Variants in APOB observed in about 807,000 individuals in gnomAD.
APOB encodes apolipoprotein B.
APOB carries 153 observed loss-of-function variants against 314.1 expected under a neutral mutation model. The observed-to-expected ratio is 0.49, with a 90% confidence interval of 0.43 to 0.56. The LOEUF is 0.56. Ranked by LOEUF, APOB falls within the 20% of genes least tolerant of loss-of-function variation. APOB has a pLI of 0.00. For missense variants in APOB, 5,430 were observed against 5,350.7 expected (o/e 1.01, Z -0.46); for synonymous variants, 2,087 against 2,036.4 (o/e 1.02, Z -0.67).
rs1441551559 is a variant in APOB at position 21,002,859 on chromosome 2, T to C, written c.12563A>G (p.His4188Arg). 1 of 1,613,440 alleles carries C rather than the reference T, an allele frequency of 6.2e-7. No individual in the cohort carries two copies. Among genetic ancestry groups the C allele is most frequent in the Non-Finnish European group, 8.5e-7 (1 of 1,179,828 alleles). ...VTQEFHMKVKHLIDSLIDFLN... is the reference protein window; with the variant it reads ...VTQEFHMKVKRLIDSLIDFLN... ...AAAATCAATGAGTGAGTCAATCAGATGCTTGACTTTCATATGGAATTCTTG... is the reference window on the plus strand; with the variant it reads ...AAAATCAATGAGTGAGTCAATCAGACGCTTGACTTTCATATGGAATTCTTG... The change falls in exon 29 of 29, where the codon CAT becomes CGT. Residue 4188 changes from histidine (H) to arginine (R), a missense_variant. This residue lies in a region of APOB where 3,281 missense variants were observed against 3,171.0 expected (regional missense o/e 1.03). Coordinates refer to ENST00000233242, the MANE Select transcript of APOB (RefSeq NM_000384.3).
At position 21,008,074 on chromosome 2, in the gene APOB, C is replaced by T. The variant is rs2103353864; in HGVS notation, c.8794G>A (p.Ala2932Thr). The T allele has an allele frequency of 6.2e-7, 1 of 1,614,020 alleles. No individual in the cohort carries two copies. The highest frequency in any genetic ancestry group is 8.5e-7 in the Non-Finnish European group (1 of 1,179,950). The change falls in exon 26 of 29, where the codon GCC (alanine) becomes ACC (threonine). Residue 2932 changes from alanine (A) to threonine (T), a missense_variant. By Grantham distance (58) the Ala-to-Thr change is moderately conservative (BLOSUM62 0). Transcript: ENST00000233242. Reference protein sequence around the residue: ...TSSGKGSWKWACPRFSDEGTH... With the variant: ...TSSGKGSWKWTCPRFSDEGTH... ...CCCTCATCTGAGAATCTGGGGCAGG[C>T]CCATTTCCATGACCCTTTTCCAGAA...
chr2:21,006,507 A>G lies in APOB; in HGVS notation c.10361T>C (p.Val3454Ala). The change falls in exon 26 of 29, where the codon GTC (valine) becomes GCC (alanine). Residue 3454 changes from valine to alanine, a missense_variant. Physicochemically the swap from Val to Ala is moderately conservative, Grantham distance 64. Around this residue, in one of 3 missense-constraint regions of APOB, gnomAD observed 3,281 missense variants for 3,171.0 expected, o/e 1.03. Transcript: ENST00000233242. ...ATACTTAAATTCCATGGAGGAAGAG[A>G]CAGTAGGTTTTGACTTGGTATTTCC... ...LNGNTKSKPT[V>A]SSSMEFKYDF... is the part of the protein sequence containing the mutation. 6.2e-7 allele frequency: 1 copy of G among 1,614,148 alleles called. No homozygotes were observed. Among genetic ancestry groups the G allele is most frequent in the Non-Finnish European group, 8.5e-7 (1 of 1,179,982 alleles).
chr2:21,040,569 G>A (rs144855912), intron 4 of APOB, among the ~76,000 whole-genome samples: 10 of 152,272 alleles, frequency 6.6e-5, no homozygotes, highest in East Asian at 5.8e-4. Flanking sequence ...ACCCTGCCCC[G>A]CCATGTGCCG....
At position 21,014,602 on chromosome 2, in the gene APOB, T is replaced by C. The variant is rs370030087; in HGVS notation, c.3697-9A>G. On this transcript the variant is annotated splice_polypyrimidine_tract_variant and intron_variant, in intron 23 of 28. Coordinates refer to ENST00000233242, the MANE Select transcript of APOB (RefSeq NM_000384.3). The stretch of plus-strand genomic sequence containing the variant: ...AGCCATGAGCTCATTGCCTACAAAA[T>C]GACAGGAGATTTTTAAGGTAATGGG... 33 of 1,613,838 alleles carry C rather than the reference T, an allele frequency of 2.0e-5. 1 individual carries two copies. In the Admixed American group the frequency reaches 5.5e-4, roughly 27 times the overall value.
chr2:21,035,433 C>T (rs551406944), intron 7 of APOB, 151 bp downstream of exon 7: 62 of 999,940 alleles, frequency 6.2e-5, no homozygotes, highest in Non-Finnish European at 7.9e-5. Context: ...ATGGCCTGTT[C>T]GCTTAAAAAG....
chr2:21,002,242 C>T lies in APOB; in HGVS notation c.13180G>A (p.Val4394Ile). Residue 4394 changes from valine (V) to isoleucine (I), a missense_variant, in exon 29 of 29, where the codon GTT (valine) becomes ATT (isoleucine). By Grantham distance (29) the Val-to-Ile change is conservative (BLOSUM62 3). Transcript: ENST00000233242. ...LREEYFDPSI[V>I]GWTVKYYELE... The stretch of plus-strand genomic sequence containing the variant: ...TCATAATATTTCACTGTCCAGCCAA[C>T]TATACTTGGATCAAAATATTCTTCA... 6.2e-7 allele frequency: 1 copy of T among 1,613,970 alleles called. No individual in the cohort carries two copies. The highest frequency in any genetic ancestry group is 8.5e-7 in the Non-Finnish European group (1 of 1,179,964).
chr2:21,007,679 C>T lies in APOB; in HGVS notation c.9189G>A (p.Arg3063=). 3.7e-6 allele frequency: 6 copies of T among 1,614,080 alleles called. No individual in the cohort carries two copies. The highest frequency in any genetic ancestry group is 5.1e-6 in the Non-Finnish European group (6 of 1,179,958). The change falls in exon 26 of 29, where the codon AGG becomes AGA. Residue 3063 remains arginine, a synonymous_variant. Transcript: ENST00000233242. ...TCAGGAAGTCTATCTTCCCTGTTAA[C>T]CTTAATGGAAAACGAACTTTCAAAT... is the stretch of plus-strand genomic sequence containing the variant. ...EGNLKVRFPL[R]LTGKIDFLNN... is the part of the protein sequence containing the mutation.
At chr2:21,012,851 G>C (rs541123048) in intron 25 of APOB, among the ~76,000 whole-genome samples, 200 bp from the exon 26 acceptor site, 1 of 152,318 alleles carries the variant, frequency 6.6e-6, no homozygotes, top group African/African-American at 2.4e-5. Context: ...CACAGGCTTT[G>C]TTTAGGTTCC....
chr2:21,037,648 T>A (rs868363091), intron 5 of APOB, among the ~76,000 whole-genome samples: 32 of 360 alleles, frequency 0.089, no homozygotes, highest in South Asian at 0.25. Context: ...ACACACAGGA[T>A]TTACTGTGTA....
At position 21,026,823 on chromosome 2, in the gene APOB, G is replaced by C. The variant is rs1663741564; in HGVS notation, c.2209C>G (p.His737Asp). Residue 737 changes from histidine (H) to aspartate (D), a missense_variant, in exon 15 of 29, where the codon CAC becomes GAC. This residue lies in a region of APOB where 2,085 missense variants were observed against 2,079.7 expected (regional missense o/e 1.00). Coordinates refer to ENST00000233242, the MANE Select transcript of APOB (RefSeq NM_000384.3). ...TTATCATCTTTGGTATAGCCAAAGT[G>C]GTCCACTAAGACCTTAGAGACACCA... ...PDGVSKVLVD[H>D]FGYTKDDKHE... 17 of 1,614,018 alleles carry C rather than the reference G, an allele frequency of 1.1e-5. No individual in the cohort carries two copies. Among genetic ancestry groups the C allele is most frequent in the Non-Finnish European group, 1.4e-5 (17 of 1,179,904 alleles).
In APOB at chr2:21,004,646, T is replaced by C; in HGVS notation, c.11818A>G (p.Thr3940Ala). The C allele has an allele frequency of 6.2e-7, 1 of 1,613,880 alleles. No homozygotes were observed. Among genetic ancestry groups the C allele is most frequent in the Non-Finnish European group, 8.5e-7 (1 of 1,179,772 alleles). Residue 3940 changes from threonine (T) to alanine (A), a missense_variant, in exon 27 of 29, where the codon ACG becomes GCG. Thr to Ala is a moderately conservative substitution (Grantham distance 58). This residue lies in a region of APOB where 3,281 missense variants were observed against 3,171.0 expected (regional missense o/e 1.03). Transcript: ENST00000233242. ...GTTCCTTTAGTCTTAGAGGCTAACG[T>C]ACCATCTTCGATTTTGTGTGTTCCC... is the stretch of plus-strand genomic sequence containing the variant. ...VLGTHKIEDG[T>A]LASKTKGTFA...
chr2:21,035,800 T>C, intron 6 of APOB, 92 bp from the exon 7 acceptor site: 2 of 1,273,394 alleles, frequency 1.6e-6, no homozygotes, highest in Non-Finnish European at 2.3e-6. Context: ...GCAGGAGTCC[T>C]GTACCACTAG....
In APOB at chr2:21,011,885, C is replaced by T. The variant is rs767169319; in HGVS notation, c.4983G>A (p.Lys1661=). ...GISTSATTNL[K]CSLLVLENEL... is the part of the protein sequence containing the mutation. ...CATTCTCCAGCACCAGGAGACTACA[C>T]TTCAAGTTGGTCGTTGCACTGGTAG... is the stretch of plus-strand genomic sequence containing the variant. The change falls in exon 26 of 29, where the codon AAG becomes AAA. Residue 1661 remains lysine (K), a synonymous_variant. Transcript: ENST00000233242. 2 of 1,614,024 alleles carry T rather than the reference C, an allele frequency of 1.2e-6. No homozygotes were observed. The highest frequency in any genetic ancestry group is 1.7e-6 in the Non-Finnish European group (2 of 1,180,026).
chr2:21,017,637 C>G (rs1663511609), intron 20 of APOB, among the ~76,000 whole-genome samples: 1 of 152,116 alleles, frequency 6.6e-6, no homozygotes, highest in African/African-American at 2.4e-5. Context: ...GACACGACAT[C>G]TCTATATTAC....
At chr2:21,029,496 GAA>G (rs1275788352) in intron 12 of APOB, 141 bp downstream of exon 12, 57 of 230,730 alleles carry the variant, frequency 2.5e-4, no homozygotes, top group East Asian at 2.7e-3. Context: ...AGGGAGGGAG[GAA>G]GGAAGGAAGG....
chr2:21,028,840 C>T lies in APOB; in HGVS notation c.1618-302G>A, dbSNP rs192256910. On this transcript the variant is annotated intron_variant, in intron 12 of 28. Transcript: ENST00000233242. ...CTAAGTGAAAATCAAGTTGTTTTAA[C>T]GTAAGTTATTTTAATGTGAGGATAA... Among the ~76,000 whole-genome samples, 67 of 152,156 alleles carry T rather than the reference C, an allele frequency of 4.4e-4. 1 individual carries two copies. The highest frequency in any genetic ancestry group is 3.1e-3 in the Admixed American group (48 of 15,294).
At chr2:21,014,857 C>T (rs1663423791) in intron 23 of APOB, among the ~76,000 whole-genome samples, 2 of 152,202 alleles carry the variant, frequency 1.3e-5, no homozygotes, top group Admixed American at 1.3e-4. Flanking sequence ...AAGAACTGTT[C>T]TACTTAGTAG....
At position 21,028,142 on chromosome 2, in the gene APOB, G is replaced by C; in HGVS notation, c.1830-77C>G. The C allele has an allele frequency of 2.4e-6, 3 of 1,232,628 alleles. No individual in the cohort carries two copies. In the South Asian group the frequency reaches 3.6e-5, roughly 15 times the overall value. The allele number at this position is 1,232,628 out of a possible 1,614,324, so 76.4% of individuals were successfully genotyped here. On this transcript the variant is annotated intron_variant, in intron 13 of 28. Coordinates refer to ENST00000233242, the MANE Select transcript of APOB (RefSeq NM_000384.3). Reference sequence around the variant, plus strand: ...GACTCTTGCACCCCAAGTAAATATGGATTTCCAATCACTACCAAAATGTCT... The same window carrying C: ...GACTCTTGCACCCCAAGTAAATATGCATTTCCAATCACTACCAAAATGTCT...
chr2:21,026,600 G>C (rs1291166124), intron 15 of APOB, among the ~76,000 whole-genome samples, 188 bp downstream of exon 15: 1 of 152,028 alleles, frequency 6.6e-6, no homozygotes, highest in African/African-American at 2.4e-5. Flanking sequence ...CTGGTTTCTG[G>C]GCACACTGAA....
Sources: allele counts gnomAD v4.1 joint callset (sites outside exome capture counted in the v4.1 genomes callset), GRCh38; gene constraint gnomAD v4.1.1; regional missense constraint gnomAD v4.1.1; transcripts MANE v1.5; gene names NCBI Gene and HGNC (gene_info 2026-07-23, HGNC 2026-07-21).